Variants in EPB41L1 observed in about 807,000 individuals in gnomAD.
EPB41L1 encodes band 4.1-like protein 1.
In EPB41L1, 29 loss-of-function variants were observed where a neutral mutation model predicts 97.8. The observed-to-expected ratio is 0.30, with a 90% confidence interval of 0.22 to 0.40. The LOEUF is 0.40. Ranked by LOEUF, EPB41L1 falls within the 10% of genes least tolerant of loss-of-function variation. The probability of loss-of-function intolerance (pLI) is 1.00; values close to 1 mark genes in which losing one functional copy is unlikely to be tolerated. For missense variants in EPB41L1, 812 were observed against 1,162.3 expected, an observed-to-expected ratio of 0.70 and a Z score of 4.38; for synonymous variants, 383 against 459.2, an observed-to-expected ratio of 0.83 and a Z score of 2.12.
intron 2 of EPB41L1, among the ~76,000 whole-genome samples, chr20:36,140,778 C>T (rs2059607600): frequency 1.3e-5 from 2 of 152,158 alleles, no homozygotes; most frequent in Admixed American, 1.3e-4. Flanking sequence ...CTCCTCTCTT[C>T]CCCTGCCCCT....
At chr20:36,196,275 A>G (rs971997927) in intron 13 of EPB41L1, among the ~76,000 whole-genome samples, 2 of 152,218 alleles carry the variant, frequency 1.3e-5, no homozygotes, top group Non-Finnish European at 2.9e-5. Context: ...CAAAGCATTC[A>G]GACTAGGTTT....
chr20:36,201,096 G>T, intron 14 of EPB41L1: 1 of 394,596 alleles, frequency 2.5e-6, no homozygotes. Context: ...CCAAGCAGTT[G>T]GAAGCAATGG....
intron 2 of EPB41L1, among the ~76,000 whole-genome samples, chr20:36,123,390 AC>A (rs368011569): frequency 6.6e-6 from 1 of 152,336 alleles, no homozygotes; most frequent in African/African-American, 2.4e-5. Flanking sequence ...CGAGGAAGAC[AC>A]ATGTCTTCCA....
In EPB41L1 at chr20:36,092,905, G is replaced by T. The variant is rs1469737575; in HGVS notation, c.-65+1293G>T. ...TGTGGGGTGGCCGCCGAGGGCGGCGGGCTCGATTCCCGATCTTTGGGCACT... is the reference window on the plus strand; with the variant it reads ...TGTGGGGTGGCCGCCGAGGGCGGCGTGCTCGATTCCCGATCTTTGGGCACT... On this transcript the variant is annotated intron_variant, in intron 1 of 19. Coordinates refer to the EPB41L1 transcript ENST00000202028. This position sits in a 1 kb window ranked among gnomAD's most constrained non-coding sequence, Gnocchi z 7.0. The T allele has an allele frequency of 6.6e-6, 1 of 151,900 alleles. No homozygotes were observed. Among genetic ancestry groups the T allele is most frequent in the African/African-American group, 2.4e-5 (1 of 41,376 alleles). 9.4% of individuals were successfully genotyped at this position (151,900 alleles called of 1,614,324 possible). A position where few individuals can be genotyped will look rare whatever the true frequency, so the allele number is the denominator to read the frequency against.
At chr20:36,157,006 A>G (rs1193908210) in intron 1 of EPB41L1, among the ~76,000 whole-genome samples, 1 of 152,172 alleles carries the variant, frequency 6.6e-6, no homozygotes, top group African/African-American at 2.4e-5. Flanking sequence ...CGGGCAGATC[A>G]CAAGTTCAAG....
In EPB41L1 at chr20:36,206,048, GAA is replaced by G. The variant is rs2062779712; in HGVS notation, c.1669-3439_1669-3438del. The G allele has an allele frequency of 7.8e-7, 1 of 1,289,768 alleles. No individual in the cohort carries two copies. Among genetic ancestry groups the G allele is most frequent in the South Asian group, 1.2e-5 (1 of 81,038 alleles). 79.9% of individuals were successfully genotyped at this position (1,289,768 alleles called of 1,614,324 possible). A position where few individuals can be genotyped will look rare whatever the true frequency, so the allele number is the denominator to read the frequency against. ...GCCACAGAAGAAATGGTGGGAAACA[GAA>G]GAGCAAACACCCAGCAACAAGGAAA... On this transcript the variant is annotated intron_variant, in intron 14 of 21. Transcript: ENST00000338074. The surrounding 1 kb of genome is among the most constrained non-coding windows in gnomAD (Gnocchi z 5.5).
intron 7 of EPB41L1, among the ~76,000 whole-genome samples, chr20:36,186,412 G>A (rs2061684770): frequency 6.6e-6 from 1 of 152,096 alleles, no homozygotes; most frequent in African/African-American, 2.4e-5. Flanking sequence ...TTGGTTCTGT[G>A]GGCGTTATCT....
At chr20:36,171,424 T>C (rs2060982866) in intron 1 of EPB41L1, among the ~76,000 whole-genome samples, 1 of 152,124 alleles carries the variant, frequency 6.6e-6, no homozygotes, top group Non-Finnish European at 1.5e-5. Flanking sequence ...GAGTAGTGGC[T>C]TGAGTGGAAA....
At chr20:36,123,222 C>T (rs1397307418) in intron 2 of EPB41L1, among the ~76,000 whole-genome samples, 1 of 152,020 alleles carries the variant, frequency 6.6e-6, no homozygotes, top group African/African-American at 2.4e-5. Flanking sequence ...GAAAGGCCCT[C>T]GCACTTGCTG....
At chr20:36,221,832 A>G in intron 19 of EPB41L1, 32 bp from the exon 20 acceptor site, 4 of 1,603,046 alleles carry the variant, frequency 2.5e-6, no homozygotes, top group Non-Finnish European at 3.4e-6. Context: ...AACAGGACCC[A>G]AGAGTGACCT....
chr20:36,214,473 C>T (rs1256919061), intron 17 of EPB41L1, 33 bp downstream of exon 17: 1 of 1,552,206 alleles, frequency 6.4e-7, no homozygotes, highest in South Asian at 1.1e-5. Context: ...CCCTCTCTGA[C>T]CAGCCCCCTG....
rs1012651890 is a variant in EPB41L1, at chr20:36,213,953, A to T, written c.2185-404A>T. ...CATCTCAGTTAGGAGGCAAATCTTG[A>T]TTTATTTCGCTGTCTCCCAATGGCT... is the stretch of plus-strand genomic sequence containing the variant. On this transcript the variant is annotated intron_variant, in intron 16 of 21. Coordinates refer to ENST00000338074, the MANE Select transcript of EPB41L1 (RefSeq NM_012156.2). 5.3e-5 allele frequency among the ~76,000 whole-genome samples: 8 copies of T among 151,948 alleles called. No individual in the cohort carries two copies. In the East Asian group the frequency reaches 1.5e-3, roughly 29 times the overall value.
intron 2 of EPB41L1, among the ~76,000 whole-genome samples, chr20:36,113,959 A>T (rs1029988120): frequency 2.0e-5 from 3 of 152,198 alleles, no homozygotes; most frequent in Non-Finnish European, 4.4e-5. Flanking sequence ...ATGAGACTCT[A>T]GGTATTAACC....
At chr20:36,208,277 GACTA>G (rs1569324316) in intron 14 of EPB41L1, 5 of 425,746 alleles carry the variant, frequency 1.2e-5, no homozygotes, top group South Asian at 3.4e-5. Context: ...GCCTCCTTAA[GACTA>G]ACTGTCTTCT....
Position 36,207,684 on chromosome 20 carries a change from C to T in EPB41L1, c.1669-1804C>T, listed in dbSNP as rs1347585923. On this transcript the variant is annotated intron_variant, in intron 14 of 21. Coordinates refer to ENST00000338074, the MANE Select transcript of EPB41L1 (RefSeq NM_012156.2). The surrounding 1 kb of genome is among the most constrained non-coding windows in gnomAD (Gnocchi z 4.9). ...TGGCTACCAGACACTTCAGGGAGGA[C>T]ACTTCTGCATCCTACCAGGAAGCAC... 3 of 1,290,166 alleles carry T rather than the reference C, an allele frequency of 2.3e-6. No individual in the cohort carries two copies. The South Asian group carries it at 3.7e-5, about 16-fold the overall frequency. The allele number at this position is 1,290,166 out of a possible 1,614,324, so 79.9% of individuals were successfully genotyped here.
At chr20:36,202,815 A>C (rs2062572621) in intron 14 of EPB41L1, among the ~76,000 whole-genome samples, 1 of 150,146 alleles carries the variant, frequency 6.7e-6, no homozygotes, top group African/African-American at 2.4e-5. Context: ...CGTCTCAAAA[A>C]AAAAAAAAAA....
At chr20:36,112,596 C>T (rs576423391) in intron 2 of EPB41L1, 3 of 152,378 alleles carry the variant, frequency 2.0e-5, no homozygotes, top group African/African-American at 4.8e-5. Context: ...AAGTGTGAGG[C>T]TTTGTCTACG....
At chr20:36,112,038 C>G (rs186193515) in intron 1 of EPB41L1, among the ~76,000 whole-genome samples, 87 of 152,234 alleles carry the variant, frequency 5.7e-4, no homozygotes, top group African/African-American at 2.0e-3. Context: ...CTCTTTCTGT[C>G]TCTTCTGCAA....
rs920263848 is a variant in EPB41L1, at chr20:36,092,432, G to A, written c.-65+820G>A. Reference sequence around the variant, plus strand: ...TCCCCAGCGCCGGGAGGGTTCGCGGGGCTCAGCCCCTTCCTCTGCTCCCCT... The same window carrying A: ...TCCCCAGCGCCGGGAGGGTTCGCGGAGCTCAGCCCCTTCCTCTGCTCCCCT... On this transcript the variant is annotated intron_variant, in intron 1 of 19. Transcript: ENST00000202028. This position sits in a 1 kb window ranked among gnomAD's most constrained non-coding sequence, Gnocchi z 7.0. Among the ~76,000 whole-genome samples the A allele has an allele frequency of 1.3e-5, 2 of 152,034 alleles. No homozygotes were observed. The highest frequency in any genetic ancestry group is 4.8e-5 in the African/African-American group (2 of 41,410).
Sources: gnomAD v4.1 joint callset for allele counts (sites outside exome capture counted in the v4.1 genomes callset) on GRCh38, gnomAD v4.1.1 for gene constraint, Gnocchi (gnomAD v3.1) non-coding constraint, MANE v1.5 for transcripts, NCBI Gene and HGNC (gene_info 2026-07-23, HGNC 2026-07-21) for gene names.